The following SLC7A14 variants were observed in gnomAD, a reference collection of about 807,000 sequenced individuals.
SLC7A14 encodes the protein solute carrier family 7 member 14, also known as gamma-aminobutyric acid transporter SLC7A14.
Under a neutral mutation model 60.2 loss-of-function variants are expected in SLC7A14, and 37 were observed. That is an observed-to-expected ratio of 0.61 (90% CI 0.47 to 0.81). The LOEUF (loss-of-function observed/expected upper bound fraction) is 0.81. SLC7A14 is among the 30% of genes least tolerant of loss of function. The probability of loss-of-function intolerance (pLI) is 0.00; values close to 1 mark genes in which losing one functional copy is unlikely to be tolerated. For missense variants in SLC7A14, 886 were observed against 982.7 expected, an observed-to-expected ratio of 0.90 and a Z score of 1.32; for synonymous variants, 399 against 395.8, an observed-to-expected ratio of 1.01 and a Z score of -0.10.
At chr3:170,508,887 CA>C (rs762253611) in intron 2 of SLC7A14, among the ~76,000 whole-genome samples, 10 of 152,156 alleles carry the variant, frequency 6.6e-5, no homozygotes, top group Non-Finnish European at 1.0e-4. Flanking sequence ...TTCTCTGTGA[CA>C]CTGAGCTCCA....
At position 170,571,983 on chromosome 3, in the gene SLC7A14, C is replaced by T. The variant is rs1714967429; in HGVS notation, c.-153+13928G>A. ...GGCTGAGGCAGGAGAATCACTTGAG[C>T]CCAGGAAATGGAGGTTGCAGAGAGC... On this transcript the variant is annotated intron_variant, in intron 1 of 7. Transcript: ENST00000231706. Among the ~76,000 whole-genome samples the T allele has an allele frequency of 4.0e-5, 6 of 151,138 alleles. No homozygotes were observed. The South Asian group carries it at 1.3e-3, about 32-fold the overall frequency.
intron 1 of SLC7A14, among the ~76,000 whole-genome samples, chr3:170,529,192 C>T (rs1713601716): frequency 6.6e-6 from 1 of 152,226 alleles, no homozygotes; most frequent in African/African-American, 2.4e-5. Context: ...ACCCAGCTAG[C>T]TACAACTTGA....
chr3:170,496,763 G>A (rs1712411546), intron 4 of SLC7A14: 11 of 732,746 alleles, frequency 1.5e-5, no homozygotes, highest in South Asian at 1.1e-4. Context: ...TCCAGCTTTG[G>A]CTCTGTCGCG....
At chr3:170,497,782 A>T (rs916816437) in intron 4 of SLC7A14, among the ~76,000 whole-genome samples, 1 of 152,238 alleles carries the variant, frequency 6.6e-6, no homozygotes, top group African/African-American at 2.4e-5. Flanking sequence ...ACTCACAGCC[A>T]CTTGTCAGTA....
At chr3:170,512,572 C>A (rs1713012344) in intron 2 of SLC7A14, among the ~76,000 whole-genome samples, 1 of 151,700 alleles carries the variant, frequency 6.6e-6, no homozygotes, top group African/African-American at 2.4e-5. Flanking sequence ...CTCCTTCCTT[C>A]TCCTCTCCCC....
At chr3:170,472,586 A>G (rs1739947308) in intron 7 of SLC7A14, among the ~76,000 whole-genome samples, 1 of 151,990 alleles carries the variant, frequency 6.6e-6, no homozygotes, top group Non-Finnish European at 1.5e-5. Flanking sequence ...TAACACGGTG[A>G]AACCCCGTCT....
chr3:170,561,292 G>C lies in SLC7A14; in HGVS notation c.-153+24619C>G, dbSNP rs140751534. Among the ~76,000 whole-genome samples the C allele has an allele frequency of 2.3e-3, 346 of 152,288 alleles. 1 individual carries two copies. Among genetic ancestry groups the C allele is most frequent in the African/African-American group, 7.9e-3 (329 of 41,566 alleles). ...GCTTCTTGCAGCAAATATTTTTTAA[G>C]TGATCCACAGACTCCTCAGTCTGGG... On this transcript the variant is annotated intron_variant, in intron 1 of 7. Coordinates refer to ENST00000231706, the MANE Select transcript of SLC7A14 (RefSeq NM_020949.3).
In SLC7A14 at chr3:170,532,367, C is replaced by T. The variant is rs761662235; in HGVS notation, c.-152-5279G>A. Among the ~76,000 whole-genome samples the T allele has an allele frequency of 6.6e-6, 1 of 152,204 alleles. No homozygotes were observed. The highest frequency in any genetic ancestry group is 1.5e-5 in the Non-Finnish European group (1 of 68,030). On this transcript the variant is annotated intron_variant, in intron 1 of 7. Coordinates refer to ENST00000231706, the MANE Select transcript of SLC7A14 (RefSeq NM_020949.3). The surrounding 1 kb of genome is among the most constrained non-coding windows in gnomAD (Gnocchi z 4.0). ...TCCAGGTCTTGGCTAACCCTCTCAC[C>T]ACCTCCCTGCTTTTCTTCCTCTGGG...
Position 170,468,603 on chromosome 3 carries a change from C to T in SLC7A14, c.1994-1226G>A, listed in dbSNP as rs182402865. The stretch of plus-strand genomic sequence containing the variant: ...GAGCCATCAGTCCTGGCCTGAGTCC[C>T]CATTTTCTATCTTGAATAGACTGTG... On this transcript the variant is annotated intron_variant, in intron 7 of 7. Coordinates refer to ENST00000231706, the MANE Select transcript of SLC7A14 (RefSeq NM_020949.3). Among the ~76,000 whole-genome samples, 250 of 152,234 alleles carry T rather than the reference C, an allele frequency of 1.6e-3. 2 individuals carry two copies. Among genetic ancestry groups the T allele is most frequent in the Admixed American group, 0.016 (241 of 15,296 alleles).
intron 1 of SLC7A14, among the ~76,000 whole-genome samples, chr3:170,582,557 C>A (rs1715265708): frequency 6.6e-6 from 1 of 152,178 alleles, no homozygotes; most frequent in Admixed American, 6.5e-5. Context: ...TCAGCAATAG[C>A]ATTCTTGACA....
chr3:170,497,607 C>T lies in SLC7A14; in HGVS notation c.759+1060G>A, dbSNP rs539540819. ...TTGCCTCTCTCGACCTTAGGTTGTT[C>T]ATCTGTTAAATGAACGGATAGGACC... On this transcript the variant is annotated intron_variant, in intron 4 of 7. Coordinates refer to ENST00000231706, the MANE Select transcript of SLC7A14 (RefSeq NM_020949.3). Among the ~76,000 whole-genome samples, 92 of 152,306 alleles carry T rather than the reference C, an allele frequency of 6.0e-4. 1 individual carries two copies. Among genetic ancestry groups the T allele is most frequent in the African/African-American group, 2.2e-3 (91 of 41,562 alleles).
intron 1 of SLC7A14, among the ~76,000 whole-genome samples, chr3:170,557,592 G>C (rs1327099787): frequency 6.6e-6 from 1 of 152,186 alleles, no homozygotes; most frequent in African/African-American, 2.4e-5. Flanking sequence ...GTGTATAAGA[G>C]TGGAGACCTG....
At chr3:170,503,257 C>T (rs1712669998) in intron 2 of SLC7A14, among the ~76,000 whole-genome samples, 2 of 152,290 alleles carry the variant, frequency 1.3e-5, no homozygotes, top group South Asian at 2.1e-4. Context: ...TTACCTGGAG[C>T]AGTCAGACTG....
intron 1 of SLC7A14, among the ~76,000 whole-genome samples, chr3:170,569,289 T>C (rs1170296660): frequency 1.3e-5 from 2 of 151,996 alleles, no homozygotes; most frequent in Non-Finnish European, 2.9e-5. Context: ...TTGTCTTTGG[T>C]TCTGTTTATA....
At chr3:170,511,312 G>T (rs1210938523) in intron 2 of SLC7A14, among the ~76,000 whole-genome samples, 2 of 151,968 alleles carry the variant, frequency 1.3e-5, no homozygotes, top group Non-Finnish European at 2.9e-5. Flanking sequence ...CAGTAGAATC[G>T]CTTGAACCTG....
intron 2 of SLC7A14, among the ~76,000 whole-genome samples, chr3:170,515,320 CA>C (rs71176571): frequency 0.3 from 36,842 of 124,530 alleles, 4,800 homozygotes; most frequent in South Asian, 0.34. Context: ...CCGCCCCCCC[CA>C]AAAAAAAAAT....
Position 170,464,723 on chromosome 3 carries a change from A to G in SLC7A14, c.*2332T>C, listed in dbSNP as rs976843304. The stretch of plus-strand genomic sequence containing the variant: ...CAACAGCAATGGTGTTAACCAAAGC[A>G]TACATTTTCCATTCCCATCCTATAG... On this transcript the variant is annotated 3_prime_UTR_variant, in exon 8 of 8. Transcript: ENST00000231706. 1 of 152,210 alleles carries G rather than the reference A, an allele frequency of 6.6e-6. No homozygotes were observed. Among genetic ancestry groups the G allele is most frequent in the Non-Finnish European group, 1.5e-5 (1 of 68,036 alleles). The allele number at this position is 152,210 out of a possible 1,614,324, so 9.4% of individuals were successfully genotyped here.
At chr3:170,467,467 AAGC>A in intron 7 of SLC7A14, 90 bp from the exon 8 acceptor site, 2 of 532,684 alleles carry the variant, frequency 3.8e-6, no homozygotes, top group Non-Finnish European at 5.2e-6. Flanking sequence ...GATGAAATCA[AAGC>A]TGGCGGGGTG....
At position 170,472,238 on chromosome 3, in the gene SLC7A14, C is replaced by T. The variant is rs568141841; in HGVS notation, c.1994-4861G>A. ...AAAAATAATTAGCTGGGCACGGTGG[C>T]GGGCACTGGTAATCCAGCTACATGG... On this transcript the variant is annotated intron_variant, in intron 7 of 7. Transcript: ENST00000231706. Among the ~76,000 whole-genome samples the T allele has an allele frequency of 1.4e-3, 206 of 151,422 alleles. 3 individuals are homozygous for T. The highest frequency in any genetic ancestry group is 4.8e-3 in the African/African-American group (199 of 41,236).
Sources: allele counts gnomAD v4.1 joint callset (sites outside exome capture counted in the v4.1 genomes callset), GRCh38; gene constraint gnomAD v4.1.1; non-coding constraint Gnocchi (gnomAD v3.1); transcripts MANE v1.5; gene names NCBI Gene and HGNC (gene_info 2026-07-23, HGNC 2026-07-21).